Variants in GABRA1 observed in about 807,000 individuals in gnomAD.
GABRA1 encodes gamma-aminobutyric acid receptor subunit alpha-1.
GABRA1 carries 9 observed loss-of-function variants against 48.9 expected under a neutral mutation model. The observed-to-expected ratio is 0.18, with a 90% CI of 0.11 to 0.32. The LOEUF (loss-of-function observed/expected upper bound fraction) is 0.32. Ranked by LOEUF, GABRA1 falls within the 10% of genes least tolerant of loss-of-function variation. The pLI is 1.00. For missense variants in GABRA1, 285 were observed against 553.8 expected (o/e 0.51, Z 4.87); for synonymous variants, 210 against 198.7 (o/e 1.06, Z -0.48).
chr5:161,899,178 C>T lies in GABRA1; in HGVS notation c.*1756C>T, dbSNP rs1382046357. 6.6e-6 allele frequency: 1 copy of T among 152,470 alleles called. No homozygotes were observed. Among genetic ancestry groups the T allele is most frequent in the Non-Finnish European group, 1.5e-5 (1 of 67,966 alleles). 9.4% of individuals were successfully genotyped at this position (152,470 alleles called of 1,614,324 possible). A position where few individuals can be genotyped will look rare whatever the true frequency, so the allele number is the denominator to read the frequency against. On this transcript the variant is annotated 3_prime_UTR_variant, in exon 10 of 10. Coordinates refer to ENST00000393943, the MANE Select transcript of GABRA1 (RefSeq NM_001127644.2). ...ATTGCCAAATAAGACAGTTGGGATC[C>T]AAACCCAAGTCTTGAGCAATGTTTT... is the stretch of plus-strand genomic sequence containing the variant.
At chr5:161,886,645 G>A (rs1754859705) in intron 7 of GABRA1, among the ~76,000 whole-genome samples, 1 of 151,916 alleles carries the variant, frequency 6.6e-6, no homozygotes, top group South Asian at 2.1e-4. Flanking sequence ...CCATGGTGTT[G>A]CATGTTTGTA....
chr5:161,895,520 A>G, intron 8 of GABRA1, 146 bp from the exon 9 acceptor site: 2 of 739,358 alleles, frequency 2.7e-6, no homozygotes, highest in East Asian at 5.4e-5. Flanking sequence ...ATTAAGACTC[A>G]TCAATTCTAA....
chr5:161,855,342 T>A (rs546973329), intron 3 of GABRA1, among the ~76,000 whole-genome samples: 91 of 151,720 alleles, frequency 6.0e-4, no homozygotes, highest in African/African-American at 2.1e-3. Context: ...GTATTATGGG[T>A]CTATTTTGAA....
intron 6 of GABRA1, among the ~76,000 whole-genome samples, chr5:161,878,151 A>G (rs1454513320): frequency 1.3e-5 from 2 of 152,180 alleles, no homozygotes; most frequent in Admixed American, 6.5e-5. Flanking sequence ...TGAATGGATA[A>G]AGGTTACAAG....
intron 8 of GABRA1, among the ~76,000 whole-genome samples, chr5:161,893,283 CTA>C (rs1375075132): frequency 8.6e-5 from 13 of 151,934 alleles, no homozygotes; most frequent in African/African-American, 3.1e-4. Context: ...ATGAACATAA[CTA>C]TATGTCTGTA....
At chr5:161,854,427 A>G (rs1348912209) in intron 3 of GABRA1, among the ~76,000 whole-genome samples, 157 bp downstream of exon 3, 1 of 151,764 alleles carries the variant, frequency 6.6e-6, no homozygotes, top group Non-Finnish European at 1.5e-5. Flanking sequence ...AATTCAAGTT[A>G]CTCTGTAGTT....
chr5:161,872,948 G>A (rs1026895425), intron 4 of GABRA1, 169 bp from the exon 5 acceptor site: 1 of 636,140 alleles, frequency 1.6e-6, no homozygotes, highest in East Asian at 2.7e-5. Context: ...ACCAACCAGT[G>A]ATTCTCCTGA....
Position 161,891,126 on chromosome 5 carries a change from A to G in GABRA1, c.856+76A>G, listed in dbSNP as rs10051659. ...ATGTCATATCTGTGACACTGCAAAG[A>G]GAAATAAAAAAAAATATACACTCAA... On this transcript the variant is annotated intron_variant, in intron 8 of 9. Coordinates refer to ENST00000393943, the MANE Select transcript of GABRA1 (RefSeq NM_001127644.2). 0.13 allele frequency: 178,772 copies of G among 1,351,806 alleles called. 14,657 individuals carry two copies. Among genetic ancestry groups the G allele is most frequent in the African/African-American group, 0.32 (22,559 of 69,486 alleles). The allele number at this position is 1,351,806 out of a possible 1,614,324, so 83.7% of individuals were successfully genotyped here. A position where few individuals can be genotyped will look rare whatever the true frequency, so the allele number is the denominator to read the frequency against.
At chr5:161,882,377 T>A in intron 6 of GABRA1, 181 bp from the exon 7 acceptor site, 1 of 387,000 alleles carries the variant, frequency 2.6e-6, no homozygotes, top group South Asian at 3.5e-5. Flanking sequence ...AATAAATGAC[T>A]AAAAAAAAAA....
intron 6 of GABRA1, among the ~76,000 whole-genome samples, chr5:161,878,897 G>T (rs1048037397): frequency 6.6e-6 from 1 of 151,770 alleles, no homozygotes. Flanking sequence ...TGAGAGGAAT[G>T]AGTCAAAATT....
intron 6 of GABRA1, 108 bp from the exon 7 acceptor site, chr5:161,882,450 C>A (rs1420163375): frequency 9.6e-7 from 1 of 1,041,468 alleles, no homozygotes. Flanking sequence ...TCCTAGCCTG[C>A]CCTCTGGAAC....
intron 8 of GABRA1, among the ~76,000 whole-genome samples, chr5:161,892,125 A>G (rs1755117819): frequency 6.6e-6 from 1 of 152,178 alleles, no homozygotes; most frequent in African/African-American, 2.4e-5. Flanking sequence ...ATCCTGCTGC[A>G]ATGAAAATAA....
intron 6 of GABRA1, among the ~76,000 whole-genome samples, chr5:161,880,237 A>C (rs1754553983): frequency 6.6e-6 from 1 of 152,156 alleles, no homozygotes; most frequent in Non-Finnish European, 1.5e-5. Context: ...CTTTTGAGGC[A>C]TTTGCAAATT....
chr5:161,871,419 G>T (rs997918974), intron 4 of GABRA1, among the ~76,000 whole-genome samples: 2 of 152,008 alleles, frequency 1.3e-5, no homozygotes, highest in Admixed American at 6.6e-5. Context: ...AGAAAATTTC[G>T]TCACATATTA....
At chr5:161,873,007 A>G in intron 4 of GABRA1, 110 bp from the exon 5 acceptor site, 1 of 804,142 alleles carries the variant, frequency 1.2e-6, no homozygotes. Context: ...AACATCACCT[A>G]GCTAACATTA....
chr5:161,892,749 A>C (rs540150713), intron 8 of GABRA1, among the ~76,000 whole-genome samples: 8 of 152,312 alleles, frequency 5.3e-5, no homozygotes, highest in African/African-American at 1.9e-4. Context: ...CCACGTCTGT[A>C]ATCCCAGCAC....
At chr5:161,894,327 C>CAATTACCTA (rs1237835524) in intron 8 of GABRA1, among the ~76,000 whole-genome samples, 1 of 152,128 alleles carries the variant, frequency 6.6e-6, no homozygotes, top group Admixed American at 6.5e-5. Context: ...CCTGGACTTT[C>CAATTACCTA]AATTACCCTA....
rs758477479 is a variant in GABRA1, at chr5:161,885,449, C to T, written c.703+2748C>T. On this transcript the variant is annotated intron_variant, in intron 7 of 9. Coordinates refer to ENST00000393943, the MANE Select transcript of GABRA1 (RefSeq NM_001127644.2). ...ATGACTAGATAAAAGGCATCTTCTT[C>T]TACTTTAAAATTCTCCCTGGAGAGA... Among the ~76,000 whole-genome samples the T allele has an allele frequency of 2.6e-5, 4 of 152,140 alleles. No individual in the cohort carries two copies. The East Asian group carries it at 7.7e-4, about 29-fold the overall frequency.
chr5:161,859,458 T>C (rs1182022595), intron 3 of GABRA1, among the ~76,000 whole-genome samples: 14 of 151,762 alleles, frequency 9.2e-5, no homozygotes. Context: ...GGTCTTGGGT[T>C]CCATTTCTTT....
Sources: gnomAD v4.1 joint callset for allele counts (sites outside exome capture counted in the v4.1 genomes callset) on GRCh38, gnomAD v4.1.1 for gene constraint, MANE v1.5 for transcripts, NCBI Gene and HGNC (gene_info 2026-07-23, HGNC 2026-07-21) for gene names.